Variants in SMAP1 observed in about 807,000 individuals in gnomAD.
SMAP1 encodes the protein stromal membrane-associated protein 1.
A neutral mutation model predicts 58.5 loss-of-function variants in SMAP1; 24 were observed. The observed-to-expected ratio is 0.41, with a 90% CI of 0.30 to 0.58. The LOEUF (loss-of-function observed/expected upper bound fraction) is 0.58. Among genes scored for constraint, SMAP1 ranks in the 20% least tolerant of loss-of-function variants. The pLI, the probability that SMAP1 is intolerant of heterozygous loss-of-function variation, is 0.29. For synonymous variants in SMAP1, 216 were observed against 196.6 expected (o/e 1.10, Z -0.82); for missense variants, 563 against 566.3 (o/e 0.99, Z 0.06).
At chr6:70,722,395 A>T (rs1289506757) in intron 1 of SMAP1, among the ~76,000 whole-genome samples, 1 of 152,232 alleles carries the variant, frequency 6.6e-6, no homozygotes, top group African/African-American at 2.4e-5. Flanking sequence ...TGTTTTCCTC[A>T]CTTAGCTTTA....
At chr6:70,827,139 G>A (rs1037029285) in intron 6 of SMAP1, among the ~76,000 whole-genome samples, 14 of 152,050 alleles carry the variant, frequency 9.2e-5, no homozygotes, top group Non-Finnish European at 1.9e-4. Context: ...TGTCAGTTTA[G>A]AGGAAGTTCT....
At chr6:70,795,130 G>A (rs1768548220) in intron 5 of SMAP1, among the ~76,000 whole-genome samples, 1 of 152,158 alleles carries the variant, frequency 6.6e-6, no homozygotes, top group African/African-American at 2.4e-5. Context: ...TGCTGCATGT[G>A]TCTTGACAGC....
intron 6 of SMAP1, among the ~76,000 whole-genome samples, chr6:70,826,018 G>A (rs757071582): frequency 1.4e-4 from 22 of 152,124 alleles, no homozygotes; most frequent in Non-Finnish European, 3.1e-4. Flanking sequence ...TATCCCTAGT[G>A]CTTACTAGTC....
At chr6:70,678,061 TTAGA>T (rs1186886644) in intron 1 of SMAP1, among the ~76,000 whole-genome samples, 5 of 152,194 alleles carry the variant, frequency 3.3e-5, no homozygotes, top group East Asian at 1.9e-4. Flanking sequence ...AAAACAGAGC[TTAGA>T]TAAAGTGCTC....
chr6:70,726,612 A>C (rs1011228737), intron 1 of SMAP1, among the ~76,000 whole-genome samples: 14 of 152,216 alleles, frequency 9.2e-5, no homozygotes, highest in African/African-American at 3.1e-4. Context: ...GGTAATCAGA[A>C]ACTGAAGAGA....
At chr6:70,813,508 G>A (rs918780851) in intron 6 of SMAP1, among the ~76,000 whole-genome samples, 3 of 151,476 alleles carry the variant, frequency 2.0e-5, no homozygotes, top group African/African-American at 7.3e-5. Flanking sequence ...GAGTAATTAA[G>A]GGTTTAATAT....
chr6:70,845,171 C>G (rs1770942562), intron 7 of SMAP1, among the ~76,000 whole-genome samples: 1 of 152,182 alleles, frequency 6.6e-6, no homozygotes, highest in African/African-American at 2.4e-5. Context: ...TCATGTTGCT[C>G]TTTGACATTT....
chr6:70,743,555 C>G (rs1245397024), intron 2 of SMAP1, among the ~76,000 whole-genome samples: 1 of 152,164 alleles, frequency 6.6e-6, no homozygotes, highest in Non-Finnish European at 1.5e-5. Context: ...TAGAACCAGG[C>G]ACGTAATAAG....
intron 6 of SMAP1, among the ~76,000 whole-genome samples, chr6:70,830,755 A>T (rs1000261751): frequency 6.6e-6 from 1 of 152,228 alleles, no homozygotes; most frequent in African/African-American, 2.4e-5. Flanking sequence ...AAAATATTTA[A>T]TTGGAATACA....
chr6:70,757,561 C>G (rs1228539946), intron 3 of SMAP1, among the ~76,000 whole-genome samples: 2 of 151,476 alleles, frequency 1.3e-5, no homozygotes, highest in Non-Finnish European at 3.0e-5. Context: ...GCAAAAGAAA[C>G]TACCATCAGA....
At chr6:70,784,877 A>G (rs1040923109) in intron 4 of SMAP1, among the ~76,000 whole-genome samples, 19 of 152,218 alleles carry the variant, frequency 1.2e-4, no homozygotes, top group Admixed American at 7.2e-4. Context: ...CCCCACTGTC[A>G]ACATTAGACA....
intron 1 of SMAP1, among the ~76,000 whole-genome samples, chr6:70,709,438 A>G (rs1767966538): frequency 6.6e-6 from 1 of 152,096 alleles, no homozygotes; most frequent in Non-Finnish European, 1.5e-5. Context: ...TCCTTGCTCA[A>G]GTGATCCTCC....
chr6:70,690,182 C>T (rs1263820652), intron 1 of SMAP1, among the ~76,000 whole-genome samples: 3 of 152,062 alleles, frequency 2.0e-5, no homozygotes, highest in Admixed American at 1.3e-4. Flanking sequence ...TTACAGATAC[C>T]TTTTATCAAG....
At position 70,861,480 on chromosome 6, in the gene SMAP1, A is replaced by G. The variant is rs1487038654; in HGVS notation, c.*1146A>G. ...AAGACAAAACATACATTTTGTACCA[A>G]CCATCCAATTAGCTTATGTTAACTG... On this transcript the variant is annotated 3_prime_UTR_variant, in exon 11 of 11. Transcript: ENST00000370455. The G allele has an allele frequency of 6.7e-6, 4 of 597,136 alleles. No homozygotes were observed. The highest frequency in any genetic ancestry group is 3.7e-5 in the African/African-American group (2 of 53,836). The allele number at this position is 597,136 out of a possible 1,614,324, so 37.0% of individuals were successfully genotyped here. A position where few individuals can be genotyped will look rare whatever the true frequency, so the allele number is the denominator to read the frequency against.
chr6:70,692,884 C>T (rs535129504), intron 1 of SMAP1, among the ~76,000 whole-genome samples: 11 of 152,046 alleles, frequency 7.2e-5, no homozygotes, highest in South Asian at 6.2e-4. Flanking sequence ...CCCAGGTTCA[C>T]GCTGTTCTCC....
intron 1 of SMAP1, among the ~76,000 whole-genome samples, chr6:70,672,373 T>G (rs2128547495): frequency 6.6e-6 from 1 of 152,272 alleles, no homozygotes; most frequent in African/African-American, 2.4e-5. Context: ...TAACAAGTTT[T>G]TGCCTGCTCA....
chr6:70,813,555 A>G (rs566051864), intron 6 of SMAP1, among the ~76,000 whole-genome samples: 9 of 152,116 alleles, frequency 5.9e-5, no homozygotes, highest in African/African-American at 2.2e-4. Context: ...TTAAATATTA[A>G]AATTTGATAA....
At chr6:70,810,774 A>G (rs980226690) in intron 6 of SMAP1, among the ~76,000 whole-genome samples, 4 of 152,088 alleles carry the variant, frequency 2.6e-5, no homozygotes, top group African/African-American at 9.7e-5. Context: ...TTGAGGTCTC[A>G]TTGTGTTGAC....
intron 6 of SMAP1, among the ~76,000 whole-genome samples, chr6:70,829,892 G>C (rs1449223900): frequency 1.3e-5 from 2 of 152,164 alleles, no homozygotes; most frequent in Middle Eastern, 3.2e-3. Context: ...TGTTATGTCT[G>C]TTATTTAAAG....
Sources: gnomAD v4.1 joint callset for allele counts (sites outside exome capture counted in the v4.1 genomes callset) on GRCh38, gnomAD v4.1.1 for gene constraint, MANE v1.5 for transcripts, NCBI Gene and HGNC (gene_info 2026-07-23, HGNC 2026-07-21) for gene names.